TNNI3K: variants seen among roughly 807,000 people sequenced by gnomAD.
TNNI3K encodes TNNI3 interacting kinase, also known as serine/threonine-protein kinase TNNI3K.
In TNNI3K, 140 loss-of-function variants were observed where a neutral mutation model predicts 114.5. The observed-to-expected ratio is 1.22, with a 90% confidence interval of 1.07 to 1.41. The LOEUF is 1.41. Ranked by LOEUF, TNNI3K falls within the 40% of genes most tolerant of loss-of-function variation. The pLI, the probability that TNNI3K is intolerant of heterozygous loss-of-function variation, is 0.00. For synonymous variants in TNNI3K, 347 were observed against 347.5 expected, an observed-to-expected ratio of 1.00 and a Z score of 0.02; for missense variants, 1,125 against 1,007.6, an observed-to-expected ratio of 1.12 and a Z score of -1.58.
intron 17 of TNNI3K, among the ~76,000 whole-genome samples, chr1:74,414,525 C>T (rs997272704): frequency 2.6e-5 from 4 of 152,152 alleles, no homozygotes; most frequent in African/African-American, 7.2e-5. Context: ...CAGCAATGCC[C>T]ATTTTGATGT....
At chr1:74,523,270 A>G (rs1646459073) in intron 23 of TNNI3K, among the ~76,000 whole-genome samples, 1 of 152,204 alleles carries the variant, frequency 6.6e-6, no homozygotes, top group Admixed American at 6.6e-5. Context: ...AAACACATCT[A>G]TAGACATTAT....
chr1:74,404,877 AT>A (rs1278922845), intron 17 of TNNI3K, among the ~76,000 whole-genome samples: 1 of 152,192 alleles, frequency 6.6e-6, no homozygotes, highest in Non-Finnish European at 1.5e-5. Context: ...CTGTTAACTG[AT>A]TTGATGATTG....
chr1:74,252,885 G>C (rs917878768), intron 4 of TNNI3K, among the ~76,000 whole-genome samples: 2 of 152,162 alleles, frequency 1.3e-5, no homozygotes, highest in Non-Finnish European at 2.9e-5. Flanking sequence ...AGTGTGGAGG[G>C]GCACCCGAGT....
intron 5 of TNNI3K, among the ~76,000 whole-genome samples, chr1:74,298,751 G>T (rs372917622): frequency 6.6e-6 from 1 of 152,038 alleles, no homozygotes; most frequent in Admixed American, 6.5e-5. Flanking sequence ...GAATAATATT[G>T]TGAGGATAAG....
At chr1:74,242,371 AC>A (rs1654291644) in intron 2 of TNNI3K, among the ~76,000 whole-genome samples, 2 of 152,182 alleles carry the variant, frequency 1.3e-5, no homozygotes, top group South Asian at 4.1e-4. Context: ...ACCTTTTTGT[AC>A]CTTTTCTCTC....
intron 4 of TNNI3K, among the ~76,000 whole-genome samples, chr1:74,269,322 CT>C (rs1386367561): frequency 7.2e-5 from 11 of 151,876 alleles, no homozygotes; most frequent in Non-Finnish European, 1.5e-4. Flanking sequence ...AGCGATTTCA[CT>C]ATCTTTACTC....
At chr1:74,398,421 G>A (rs1664193881) in intron 17 of TNNI3K, among the ~76,000 whole-genome samples, 1 of 152,176 alleles carries the variant, frequency 6.6e-6, no homozygotes, top group Non-Finnish European at 1.5e-5. Context: ...TTATACCCTT[G>A]CTAAATAAGT....
At chr1:74,471,331 G>C (rs1052262610) in intron 21 of TNNI3K, 9 of 400,548 alleles carry the variant, frequency 2.2e-5, no homozygotes, top group Admixed American at 4.4e-5. Context: ...AGAACACACA[G>C]TATTTATTTT....
At chr1:74,355,042 AT>A (rs1661578917) in intron 11 of TNNI3K, among the ~76,000 whole-genome samples, 1 of 152,196 alleles carries the variant, frequency 6.6e-6, no homozygotes, top group Admixed American at 6.5e-5. Flanking sequence ...AGGAGTTTAG[AT>A]TTTTAGGTGA....
At chr1:74,469,929 C>T in intron 21 of TNNI3K, 1 of 400,652 alleles carries the variant, frequency 2.5e-6, no homozygotes, top group Non-Finnish European at 4.4e-6. Flanking sequence ...ATGGTGGATA[C>T]AGTACAGGTT....
Position 74,396,081 on chromosome 1 carries a change from G to A in TNNI3K, c.1772+25689G>A, listed in dbSNP as rs898285187. On this transcript the variant is annotated intron_variant, in intron 17 of 24. Transcript: ENST00000326637. ...TCCCCCTTAAAGAGGAAGAAAAAGA[G>A]CGTAATAAATAGCCTTCTCTCAATG... Among the ~76,000 whole-genome samples the A allele has an allele frequency of 4.6e-5, 7 of 152,140 alleles. No homozygotes were observed. In the South Asian group the frequency reaches 6.2e-4, roughly 14 times the overall value.
chr1:74,345,622 A>G (rs930972892), intron 9 of TNNI3K, among the ~76,000 whole-genome samples: 2 of 152,158 alleles, frequency 1.3e-5, no homozygotes, highest in African/African-American at 4.8e-5. Context: ...CCAAGTCCCT[A>G]TGCCCTTCCT....
intron 21 of TNNI3K, among the ~76,000 whole-genome samples, chr1:74,465,909 G>A (rs1351818461): frequency 2.0e-5 from 3 of 152,216 alleles, no homozygotes; most frequent in Admixed American, 1.3e-4. Context: ...GGGAATAAAA[G>A]CAGGGTGCCC....
At chr1:74,488,717 G>A (rs969459377) in intron 21 of TNNI3K, among the ~76,000 whole-genome samples, 1 of 152,090 alleles carries the variant, frequency 6.6e-6, no homozygotes, top group African/African-American at 2.4e-5. Context: ...CTAAAGTAAG[G>A]CATAGTCCTG....
At chr1:74,311,346 T>C (rs953016316) in intron 5 of TNNI3K, among the ~76,000 whole-genome samples, 3 of 152,124 alleles carry the variant, frequency 2.0e-5, no homozygotes, top group African/African-American at 7.2e-5. Flanking sequence ...AGAAAAAAAA[T>C]CTGTCATATA....
intron 21 of TNNI3K, chr1:74,475,400 C>T: frequency 1.4e-6 from 1 of 717,040 alleles, no homozygotes; most frequent in South Asian, 1.5e-5. Context: ...GTAAGTAAGC[C>T]TGCTTCATTA....
intron 12 of TNNI3K, 42 bp downstream of exon 12, chr1:74,367,384 T>C (rs1662332271): frequency 1.2e-6 from 2 of 1,602,412 alleles, no homozygotes; most frequent in Non-Finnish European, 8.5e-7. Context: ...GTATAATATA[T>C]TGTGCCTAAA....
At chr1:74,416,252 C>A in intron 17 of TNNI3K, 1 of 982,918 alleles carries the variant, frequency 1.0e-6, no homozygotes, top group Non-Finnish European at 1.2e-6. Flanking sequence ...GTCAAATTTT[C>A]AAGTGAAGGA....
chr1:74,357,015 A>T (rs1462483348), intron 11 of TNNI3K, among the ~76,000 whole-genome samples: 1 of 152,210 alleles, frequency 6.6e-6, no homozygotes, highest in Non-Finnish European at 1.5e-5. Flanking sequence ...TCCTAAAAAA[A>T]TGTTGCATTG....
Sources: allele counts gnomAD v4.1 joint callset (sites outside exome capture counted in the v4.1 genomes callset), GRCh38; gene constraint gnomAD v4.1.1; transcripts MANE v1.5; gene names NCBI Gene and HGNC (gene_info 2026-07-23, HGNC 2026-07-21).